MRTFB: variants seen among roughly 807,000 people sequenced by gnomAD.
MRTFB encodes myocardin-related transcription factor B.
Under a neutral mutation model 104.2 loss-of-function variants are expected in MRTFB, and 29 were observed. The observed-to-expected ratio is 0.28, with a 90% CI of 0.21 to 0.38. The LOEUF (loss-of-function observed/expected upper bound fraction) is 0.38, where lower values mean the gene tolerates loss of function less well. Among genes scored for constraint, MRTFB ranks in the 10% least tolerant of loss-of-function variants. The pLI is 1.00. For missense variants in MRTFB, 1,270 were observed against 1,341.6 expected, an observed-to-expected ratio of 0.95 and a Z score of 0.83; for synonymous variants, 535 against 519.5, an observed-to-expected ratio of 1.03 and a Z score of -0.41.
chr16:14,064,322 T>C, the MRTFB span, among the ~76,000 whole-genome samples: 1 of 152,078 alleles, frequency 6.6e-6, no homozygotes, highest in African/African-American at 2.4e-5. Context: ...TTTAATGGAG[T>C]TGTTTTTTGC....
chr16:14,207,146 C>T (rs533017070), intron 3 of MRTFB, among the ~76,000 whole-genome samples: 15 of 152,232 alleles, frequency 9.9e-5, no homozygotes, highest in African/African-American at 3.4e-4. Flanking sequence ...TGGGGGAGGC[C>T]GATGGCCACA....
chr16:14,200,175 A>T (rs2040619446), intron 3 of MRTFB: 8 of 845,428 alleles, frequency 9.5e-6, no homozygotes, highest in Non-Finnish European at 1.4e-5. Flanking sequence ...CCCAAAATGA[A>T]TGAGGATATT....
chr16:14,089,435 A>G (rs937744474), intron 2 of MRTFB, among the ~76,000 whole-genome samples: 14 of 152,278 alleles, frequency 9.2e-5, no homozygotes, highest in East Asian at 1.9e-4. Flanking sequence ...GCTTTTTTCT[A>G]TGTTGCAGCA....
At chr16:14,206,473 T>A (rs1278958287) in intron 3 of MRTFB, among the ~76,000 whole-genome samples, 1 of 152,270 alleles carries the variant, frequency 6.6e-6, no homozygotes, top group Non-Finnish European at 1.5e-5. Context: ...TGATCTGTAC[T>A]TTTTATAAGT....
At chr16:14,224,651 G>T (rs1014162197) in intron 8 of MRTFB, among the ~76,000 whole-genome samples, 2 of 152,190 alleles carry the variant, frequency 1.3e-5, no homozygotes, top group African/African-American at 4.8e-5. Context: ...CTCAGTAGAA[G>T]CCTTGAAGAC....
chr16:14,025,261 G>C, the MRTFB span, among the ~76,000 whole-genome samples: 1 of 152,166 alleles, frequency 6.6e-6, no homozygotes, highest in Non-Finnish European at 1.5e-5. Flanking sequence ...GCTTATTGTA[G>C]CCTCGACCTG....
intron 2 of MRTFB, among the ~76,000 whole-genome samples, chr16:14,104,010 T>C (rs1218749492): frequency 6.6e-6 from 1 of 152,186 alleles, no homozygotes; most frequent in African/African-American, 2.4e-5. Flanking sequence ...AAAAAAATAA[T>C]GAAATGACAT....
chr16:14,088,084 G>A (rs1018513465), intron 2 of MRTFB, among the ~76,000 whole-genome samples: 2 of 152,162 alleles, frequency 1.3e-5, no homozygotes, highest in Non-Finnish European at 2.9e-5. Flanking sequence ...TATGTAATAC[G>A]AAATCTTTGT....
intron 3 of MRTFB, among the ~76,000 whole-genome samples, chr16:14,173,317 T>C (rs1352164531): frequency 6.6e-6 from 1 of 152,228 alleles, no homozygotes; most frequent in Non-Finnish European, 1.5e-5. Context: ...AACTGACATC[T>C]TTATGATGTG....
At chr16:14,029,809 A>T in the MRTFB span, among the ~76,000 whole-genome samples, 1 of 152,100 alleles carries the variant, frequency 6.6e-6, no homozygotes, top group Admixed American at 6.5e-5. Flanking sequence ...CTTCCTGGGC[A>T]TGGAAGTTCC....
At chr16:14,077,635 A>G (rs1435973720) in intron 1 of MRTFB, among the ~76,000 whole-genome samples, 1 of 152,110 alleles carries the variant, frequency 6.6e-6, no homozygotes, top group African/African-American at 2.4e-5. Flanking sequence ...TATGAACTTA[A>G]AATCTATTTG....
At chr16:14,064,503 T>C in the MRTFB span, among the ~76,000 whole-genome samples, 2 of 152,222 alleles carry the variant, frequency 1.3e-5, no homozygotes, top group African/African-American at 2.4e-5. Flanking sequence ...TTTATTGCAA[T>C]TGTTTTTGGC....
chr16:14,045,196 A>C, the MRTFB span, among the ~76,000 whole-genome samples: 1 of 152,176 alleles, frequency 6.6e-6, no homozygotes, highest in East Asian at 1.9e-4. Flanking sequence ...TTCTGGATGC[A>C]AAATTTGAGC....
At chr16:14,149,131 T>C (rs2038482054) in intron 3 of MRTFB, among the ~76,000 whole-genome samples, 1 of 152,210 alleles carries the variant, frequency 6.6e-6, no homozygotes, top group Non-Finnish European at 1.5e-5. Context: ...TTTTTAAGGG[T>C]TGGCACGTAT....
At chr16:14,258,423 C>T (rs1250497392) in intron 16 of MRTFB, among the ~76,000 whole-genome samples, 3 of 152,130 alleles carry the variant, frequency 2.0e-5, no homozygotes, top group Admixed American at 6.5e-5. Context: ...AATGAGACCT[C>T]ATCTCTACAA....
chr16:14,247,267 C>T lies in MRTFB; in HGVS notation c.2007C>T (p.Gly669=). Residue 669 remains glycine (G), a synonymous_variant, in exon 12 of 17, where the codon GGC becomes GGT. Transcript: ENST00000571589. The part of the protein sequence containing the change: ...HAVGQPVSTG[G]QTLVAKKAVV... ...TAGGCCAGCCCGTCTCTACAGGTGG[C>T]CAGACCCTTGTTGCCAAAAAGGCTG... 3 of 1,614,168 alleles carry T rather than the reference C, an allele frequency of 1.9e-6. No individual in the cohort carries two copies. The highest frequency in any genetic ancestry group is 1.1e-5 in the South Asian group (1 of 91,074).
chr16:14,117,412 A>G (rs1212535153), intron 2 of MRTFB, among the ~76,000 whole-genome samples: 1 of 152,218 alleles, frequency 6.6e-6, no homozygotes, highest in African/African-American at 2.4e-5. Flanking sequence ...GGCCTTCCTA[A>G]TACATGGTCC....
intron 1 of MRTFB, among the ~76,000 whole-genome samples, chr16:14,073,825 A>C (rs2033878853): frequency 6.6e-6 from 1 of 152,222 alleles, no homozygotes; most frequent in South Asian, 2.1e-4. Context: ...TTCAAAGGTA[A>C]AACTTAAAAT....
chr16:14,228,676 C>T (rs547446802), intron 8 of MRTFB, among the ~76,000 whole-genome samples: 3 of 152,132 alleles, frequency 2.0e-5, no homozygotes, highest in East Asian at 3.9e-4. Flanking sequence ...GCAACCCAAA[C>T]GTCCACTGCC....
Sources: allele counts gnomAD v4.1 joint callset (sites outside exome capture counted in the v4.1 genomes callset), GRCh38; gene constraint gnomAD v4.1.1; transcripts MANE v1.5; gene names NCBI Gene and HGNC (gene_info 2026-07-23, HGNC 2026-07-21).